SSH2: variants seen among roughly 807,000 people sequenced by gnomAD.
The protein encoded by SSH2 is protein phosphatase Slingshot homolog 2.
In SSH2, 37 loss-of-function variants were observed where a neutral mutation model predicts 135.2. The observed-to-expected ratio is 0.27, with a 90% CI of 0.21 to 0.36. SSH2 has a LOEUF of 0.36. Among genes scored for constraint, SSH2 ranks in the 10% least tolerant of loss-of-function variants. The probability of loss-of-function intolerance (pLI) is 1.00; values close to 1 mark genes in which losing one functional copy is unlikely to be tolerated. For synonymous variants in SSH2, 628 were observed against 646.2 expected (o/e 0.97, Z 0.43); for missense variants, 1,408 against 1,765.3 (o/e 0.80, Z 3.63).
At chr17:29,635,717 C>G (rs904257953) in intron 15 of SSH2, among the ~76,000 whole-genome samples, 8 of 152,154 alleles carry the variant, frequency 5.3e-5, no homozygotes, top group Admixed American at 5.2e-4. Flanking sequence ...CATCTTTGGA[C>G]TTCTCGTTGT....
In SSH2 at chr17:29,632,294, G is replaced by C. The variant is rs778613036; in HGVS notation, c.2900C>G (p.Ser967Cys). ...AGAATGGGACAGTGAGCCAGCCTCA[G>C]ACCCACTGTATTTCCCTTTGCCTTT... ...MSKGKGKYSG[S>C]EAGSLSHSEQ... The change falls in exon 16 of 16, where the codon TCT (serine) becomes TGT (cysteine). Residue 967 changes from serine (S) to cysteine (C), a missense_variant. Around this residue, in one of 3 missense-constraint regions of SSH2, gnomAD observed 1,080 missense variants for 1,144.5 expected, o/e 0.94. Transcript: ENST00000540801. The C allele has an allele frequency of 3.1e-6, 5 of 1,614,130 alleles. No homozygotes were observed. Among genetic ancestry groups the C allele is most frequent in the Middle Eastern group, 1.6e-4 (1 of 6,062 alleles).
intron 1 of SSH2, among the ~76,000 whole-genome samples, chr17:29,861,502 G>C (rs987096415): frequency 6.6e-6 from 1 of 152,042 alleles, no homozygotes; most frequent in Non-Finnish European, 1.5e-5. Context: ...CATATTTACA[G>C]GTTCACAGCT....
intron 2 of SSH2, among the ~76,000 whole-genome samples, chr17:29,846,187 C>T (rs2043131278): frequency 6.6e-6 from 1 of 152,080 alleles, no homozygotes; most frequent in South Asian, 2.1e-4. Context: ...TACAGGCATG[C>T]ACCACCACGC....
intron 4 of SSH2, among the ~76,000 whole-genome samples, chr17:29,697,498 C>T (rs1362551457): frequency 6.6e-6 from 1 of 152,170 alleles, no homozygotes; most frequent in African/African-American, 2.4e-5. Context: ...CCTTTCCTTT[C>T]TTCTCCCTCT....
At chr17:29,878,059 T>C (rs1438640467) in intron 1 of SSH2, among the ~76,000 whole-genome samples, 2 of 152,034 alleles carry the variant, frequency 1.3e-5, no homozygotes, top group African/African-American at 4.8e-5. Context: ...CACTCCAGCC[T>C]AGGTGACACA....
chr17:29,845,820 A>G (rs1260171146), intron 2 of SSH2, among the ~76,000 whole-genome samples: 1 of 152,046 alleles, frequency 6.6e-6, no homozygotes, highest in Non-Finnish European at 1.5e-5. Flanking sequence ...TTGGCCTCCG[A>G]AAGTGTTGGG....
At chr17:29,842,826 G>C (rs999802355) in intron 2 of SSH2, among the ~76,000 whole-genome samples, 6 of 152,050 alleles carry the variant, frequency 3.9e-5, no homozygotes, top group African/African-American at 1.4e-4. Context: ...CTGACGATGG[G>C]CCCTAACAAT....
At chr17:29,866,423 A>G (rs1317331913) in intron 1 of SSH2, among the ~76,000 whole-genome samples, 3 of 152,246 alleles carry the variant, frequency 2.0e-5, no homozygotes, top group African/African-American at 7.2e-5. Context: ...ATCAACACCT[A>G]TATAGTGCAA....
At chr17:29,802,731 G>C (rs2042273412) in intron 2 of SSH2, among the ~76,000 whole-genome samples, 1 of 152,098 alleles carries the variant, frequency 6.6e-6, no homozygotes, top group Non-Finnish European at 1.5e-5. Context: ...GATAAATTTG[G>C]GGAAGAGTGA....
intron 2 of SSH2, among the ~76,000 whole-genome samples, chr17:29,829,452 A>G (rs1355293412): frequency 6.6e-6 from 1 of 151,518 alleles, no homozygotes. Flanking sequence ...TGAAGCCCCA[A>G]CTGTCGATGG....
intron 3 of SSH2, among the ~76,000 whole-genome samples, chr17:29,751,521 A>T (rs987831018): frequency 1.3e-5 from 2 of 152,250 alleles, no homozygotes; most frequent in Non-Finnish European, 2.9e-5. Context: ...CTTATTATCA[A>T]GCATTATGTA....
rs1313712976 is a variant in SSH2, at chr17:29,629,832, C to T, written c.*1009G>A. On this transcript the variant is annotated 3_prime_UTR_variant, in exon 16 of 16. Coordinates refer to ENST00000540801, the MANE Select transcript of SSH2 (RefSeq NM_001282129.2). ...AAAAAAATAGGCAGCATGGGGACAA[C>T]AGCATGGGGAAGGAAAATAAACTGG... The T allele has an allele frequency of 1.3e-5, 2 of 152,506 alleles. No individual in the cohort carries two copies. The highest frequency in any genetic ancestry group is 2.9e-5 in the Non-Finnish European group (2 of 68,030). 9.4% of individuals were successfully genotyped at this position (152,506 alleles called of 1,614,324 possible).
chr17:29,690,601 T>C (rs1035847011), intron 5 of SSH2, among the ~76,000 whole-genome samples: 2 of 151,998 alleles, frequency 1.3e-5, no homozygotes, highest in African/African-American at 2.4e-5. Flanking sequence ...AAATATTAAA[T>C]GCTAGTCAAA....
Position 29,812,491 on chromosome 17 carries a change from C to T in SSH2, c.145-18554G>A, listed in dbSNP as rs113359441. On this transcript the variant is annotated intron_variant, in intron 2 of 15. Transcript: ENST00000540801. ...TAGAGATGACAGCTCACTCTATTGC[C>T]CAGGTTGGTCTTGAACTCCTGGATT... 6.0e-3 allele frequency among the ~76,000 whole-genome samples: 911 copies of T among 152,142 alleles called. 12 individuals carry two copies. The highest frequency in any genetic ancestry group is 0.021 in the African/African-American group (863 of 41,494).
intron 3 of SSH2, among the ~76,000 whole-genome samples, chr17:29,766,501 CA>C (rs1225736513): frequency 6.6e-6 from 1 of 151,632 alleles, no homozygotes; most frequent in Non-Finnish European, 1.5e-5. Context: ...AAAATATATG[CA>C]AATTTCCCCT....
At chr17:29,891,519 G>C (rs2066349868) in intron 1 of SSH2, among the ~76,000 whole-genome samples, 1 of 151,696 alleles carries the variant, frequency 6.6e-6, no homozygotes, top group Admixed American at 6.6e-5. Context: ...AGTGAAAGCA[G>C]GCTCAAGCAA....
At chr17:29,666,844 C>G (rs770512400) in intron 11 of SSH2, 23 bp downstream of exon 11, 1 of 1,613,560 alleles carries the variant, frequency 6.2e-7, no homozygotes, top group Non-Finnish European at 8.5e-7. Flanking sequence ...TAGCACACCA[C>G]TTAAAGTGGC....
intron 2 of SSH2, among the ~76,000 whole-genome samples, chr17:29,840,362 C>A (rs185795439): frequency 3.2e-4 from 49 of 152,282 alleles, no homozygotes; most frequent in African/African-American, 1.2e-3. Context: ...TAGACCAATA[C>A]AAATCCAGCA....
Position 29,676,944 on chromosome 17 carries a change from T to C in SSH2, c.549-59A>G, listed in dbSNP as rs563723564. 2.8e-3 allele frequency: 3,958 copies of C among 1,405,710 alleles called. 123 individuals are homozygous for C. The South Asian group carries it at 0.043, about 15-fold the overall frequency. 87.1% of individuals were successfully genotyped at this position (1,405,710 alleles called of 1,614,324 possible). On this transcript the variant is annotated intron_variant, in intron 7 of 15. Transcript: ENST00000540801. ...AAATTAGGGTAGGTTATTTGAATTGTGAGTTTTCATGGATGTATCCCAGGC... is the reference window on the plus strand; with the variant it reads ...AAATTAGGGTAGGTTATTTGAATTGCGAGTTTTCATGGATGTATCCCAGGC...
Sources: allele counts gnomAD v4.1 joint callset (sites outside exome capture counted in the v4.1 genomes callset), GRCh38; gene constraint gnomAD v4.1.1; regional missense constraint gnomAD v4.1.1; transcripts MANE v1.5; gene names NCBI Gene and HGNC (gene_info 2026-07-23, HGNC 2026-07-21).